INPP5E: variants seen among roughly 807,000 people sequenced by gnomAD.
INPP5E encodes phosphatidylinositol polyphosphate 5-phosphatase type IV.
A neutral mutation model predicts 50.5 loss-of-function variants in INPP5E; 34 were observed. The observed-to-expected ratio is 0.67, with a 90% confidence interval of 0.51 to 0.90. INPP5E has a LOEUF of 0.90. Ranked by LOEUF, INPP5E falls within the 40% of genes least tolerant of loss-of-function variation. The probability of loss-of-function intolerance (pLI) is 0.00; values close to 1 mark genes in which losing one functional copy is unlikely to be tolerated. For synonymous variants in INPP5E, 447 were observed against 406.0 expected, an observed-to-expected ratio of 1.10 and a Z score of -1.21; for missense variants, 942 against 905.5, an observed-to-expected ratio of 1.04 and a Z score of -0.52.
In INPP5E at chr9:136,439,304, G is replaced by A. The variant is rs1200457166; in HGVS notation, c.116C>T (p.Pro39Leu). ...GCTCTCGGAGCCCGGAGCATCGGGTGGGGACCCCGCGCGCTGGGCCGGCGG... is the reference window on the plus strand; with the variant it reads ...GCTCTCGGAGCCCGGAGCATCGGGTAGGGACCCCGCGCGCTGGGCCGGCGG... Reference protein sequence around the residue: ...GAPPAQRAGSPPDAPGSESPA... With the variant: ...GAPPAQRAGSLPDAPGSESPA... The change falls in exon 1 of 10, where the codon CCA becomes CTA. Residue 39 changes from proline to leucine, a missense_variant. By Grantham distance (98) the Pro-to-Leu change is moderately conservative (BLOSUM62 -3). Transcript: ENST00000371712. The A allele has an allele frequency of 5.7e-6, 8 of 1,415,614 alleles. No individual in the cohort carries two copies. In the African/African-American group the frequency reaches 7.5e-5, roughly 13 times the overall value. The allele number at this position is 1,415,614 out of a possible 1,614,324, so 87.7% of individuals were successfully genotyped here.
In INPP5E at chr9:136,430,534, C is replaced by T. The variant is rs1326728193; in HGVS notation, c.1666-121G>A. 1.6e-5 allele frequency: 19 copies of T among 1,193,698 alleles called. No individual in the cohort carries two copies. In the East Asian group the frequency reaches 2.5e-4, roughly 16 times the overall value. The allele number at this position is 1,193,698 out of a possible 1,614,324, so 73.9% of individuals were successfully genotyped here. On this transcript the variant is annotated intron_variant, in intron 8 of 9. Transcript: ENST00000371712. ...CAAGGAAGCCTTCTGGGACCCCTGA[C>T]ACTCATGCCCATTTTGTTGCCTGGC...
In INPP5E at chr9:136,439,232, G is replaced by C. The variant is rs1415787879; in HGVS notation, c.188C>G (p.Pro63Arg). Residue 63 changes from proline (P) to arginine (R), a missense_variant, in exon 1 of 10, where the codon CCG becomes CGG. By Grantham distance (103) the Pro-to-Arg change is moderately radical. Transcript: ENST00000371712. ...GGCGATGGGTGCTGCTCGGGCTGGC[G>C]GGTCCTCGCCGCTGGGCGTGGCCGG... The part of the protein sequence containing the change: ...STPATPSGED[P>R]PARAAPIAPR... 2.0e-6 allele frequency: 3 copies of C among 1,527,784 alleles called. No homozygotes were observed. Among genetic ancestry groups the C allele is most frequent in the African/African-American group, 1.4e-5 (1 of 72,376 alleles). 94.6% of individuals were successfully genotyped at this position (1,527,784 alleles called of 1,614,324 possible). A position where few individuals can be genotyped will look rare whatever the true frequency, so the allele number is the denominator to read the frequency against.
chr9:136,436,959 G>C (rs1835845349), intron 1 of INPP5E: 1 of 152,238 alleles, frequency 6.6e-6, no homozygotes, highest in African/African-American at 2.4e-5. Flanking sequence ...TTTGAGACAC[G>C]ACTGTCCTTT....
chr9:136,437,275 C>T (rs992589012), intron 1 of INPP5E: 10 of 152,398 alleles, frequency 6.6e-5, no homozygotes, highest in Admixed American at 4.6e-4. Context: ...AAGCCATGTC[C>T]ACTCCCAGAG....
chr9:136,429,597 A>C lies in INPP5E; in HGVS notation c.*78T>G. On this transcript the variant is annotated 3_prime_UTR_variant, in exon 10 of 10. Transcript: ENST00000371712. ...TCCCTCGGATCCCCGAAAGGCGGCA[A>C]ACTCTTTGTCCTTCCCAGTGGGTTT... 1 of 1,584,026 alleles carries C rather than the reference A, an allele frequency of 6.3e-7. No individual in the cohort carries two copies. Among genetic ancestry groups the C allele is most frequent in the South Asian group, 1.1e-5 (1 of 90,614 alleles).
Position 136,432,476 on chromosome 9 carries a change from C to T in INPP5E, c.1387+3G>A, listed in dbSNP as rs1407494332. On this transcript the variant is annotated splice_donor_region_variant and intron_variant, in intron 6 of 9. Coordinates refer to ENST00000371712, the MANE Select transcript of INPP5E (RefSeq NM_019892.6). ...CACCCACACGCAGCGTGGACGCCCT[C>T]ACCTGCGCTGGAGCGATAGGGGTTG... The T allele has an allele frequency of 6.5e-7, 1 of 1,543,540 alleles. No individual in the cohort carries two copies.
At position 136,433,087 on chromosome 9, in the gene INPP5E, G is replaced by A; in HGVS notation, c.1160-12C>T. The A allele has an allele frequency of 1.2e-6, 2 of 1,608,302 alleles. No individual in the cohort carries two copies. The highest frequency in any genetic ancestry group is 1.7e-6 in the Non-Finnish European group (2 of 1,179,308). Reference sequence around the variant, plus strand: ...GGAGCACTCCACCTCTGTGGGAGGGGCAGCCCTCAGCTCACCTGTGGGACG... The same window carrying A: ...GGAGCACTCCACCTCTGTGGGAGGGACAGCCCTCAGCTCACCTGTGGGACG... On this transcript the variant is annotated splice_polypyrimidine_tract_variant and intron_variant, in intron 4 of 9. Transcript: ENST00000371712.
rs1281400684 is a variant in INPP5E, at chr9:136,439,671, C to CT, written c.-253dup. The CT allele has an allele frequency of 3.0e-6, 1 of 332,454 alleles. No homozygotes were observed. Among genetic ancestry groups the CT allele is most frequent in the Non-Finnish European group, 5.4e-6 (1 of 184,226 alleles). 20.6% of individuals were successfully genotyped at this position (332,454 alleles called of 1,614,324 possible). ...AGGCAAGGCCTGGGGGAACAGGCGG[C>CT]TGGGCGCCTGTCGCGGGGGAGGTTC... On this transcript the variant is annotated 5_prime_UTR_variant, in exon 1 of 10. Coordinates refer to ENST00000371712, the MANE Select transcript of INPP5E (RefSeq NM_019892.6).
Position 136,438,877 on chromosome 9 carries a change from G to C in INPP5E, c.543C>G (p.Ser181Arg). 2 of 1,585,658 alleles carry C rather than the reference G, an allele frequency of 1.3e-6. No homozygotes were observed. Among genetic ancestry groups the C allele is most frequent in the Non-Finnish European group, 1.7e-6 (2 of 1,165,994 alleles). The change falls in exon 1 of 10, where the codon AGC (serine) becomes AGG (arginine). Residue 181 changes from serine to arginine, a missense_variant. Transcript: ENST00000371712. ...LPHRDAAVAG[S>R]SPRLPSLLPP... Reference sequence around the variant, plus strand: ...GCAGCAGGCTGGGCAGCCTGGGCGAGCTCCCCGCCACGGCGGCGTCTCTGT... The same window carrying C: ...GCAGCAGGCTGGGCAGCCTGGGCGACCTCCCCGCCACGGCGGCGTCTCTGT...
chr9:136,434,629 C>T lies in INPP5E; in HGVS notation c.936+111G>A, dbSNP rs151209314. The T allele has an allele frequency of 6.6e-4, 951 of 1,446,020 alleles. 2 individuals carry two copies. In the African/African-American group the frequency reaches 1.0e-2, roughly 15 times the overall value. 89.6% of individuals were successfully genotyped at this position (1,446,020 alleles called of 1,614,324 possible). ...GTTAGCAGTGGGGTGCACCTCGGGG[C>T]TCTGCCCTCCTGGCCCCAGGATGAG... On this transcript the variant is annotated intron_variant, in intron 2 of 9. Coordinates refer to ENST00000371712, the MANE Select transcript of INPP5E (RefSeq NM_019892.6).
At chr9:136,430,879 G>T in intron 8 of INPP5E, 123 bp downstream of exon 8, 2 of 738,386 alleles carry the variant, frequency 2.7e-6, no homozygotes, top group Non-Finnish European at 2.4e-6. Context: ...AGGCCAAGGT[G>T]CAGAGCTGAG....
intron 8 of INPP5E, 42 bp downstream of exon 8, chr9:136,430,960 G>C: frequency 7.2e-7 from 1 of 1,387,342 alleles, no homozygotes; most frequent in Non-Finnish European, 1.0e-6. Context: ...GGAGATGCCT[G>C]CCCTGGAAGC....
rs1437963595 is a variant in INPP5E, at chr9:136,433,029, CT to C, written c.1205del (p.Lys402ArgfsTer81). The C allele has an allele frequency of 1.2e-6, 2 of 1,613,422 alleles. No homozygotes were observed. The highest frequency in any genetic ancestry group is 2.2e-5 in the South Asian group (2 of 91,080). ...TVTTRIVSQI[K>X]TKGALGISFT... ...AGCTGATGCCCAAGGCCCCCTTGGT[CT>C]TGATCTGAGACACGATGCGTGTGGT... On this transcript the variant is annotated frameshift_variant, in exon 5 of 10. Coordinates refer to ENST00000371712, the MANE Select transcript of INPP5E (RefSeq NM_019892.6). LOFTEE classifies it high-confidence loss of function.
At chr9:136,429,940 C>T in intron 9 of INPP5E, 133 bp from the exon 10 acceptor site, 2 of 746,974 alleles carry the variant, frequency 2.7e-6, no homozygotes, top group Non-Finnish European at 4.6e-6. Context: ...TAGGTGGGCA[C>T]TGGCCCAGAT....
At position 136,438,707 on chromosome 9, in the gene INPP5E, C is replaced by T. The variant is rs760298042; in HGVS notation, c.713G>A (p.Arg238Gln). 1.2e-6 allele frequency: 2 copies of T among 1,604,578 alleles called. No homozygotes were observed. Among genetic ancestry groups the T allele is most frequent in the Admixed American group, 3.4e-5 (2 of 58,854 alleles). The change falls in exon 1 of 10, where the codon CGG becomes CAG. Residue 238 changes from arginine to glutamine, a missense_variant. Transcript: ENST00000371712. The part of the protein sequence containing the change: ...VRAHSSLGPG[R>Q]PRSPLACDDC... ...GTCGCAGGCCAGGGGGCTCCGCGGC[C>T]GGCCGGGGCCCAGGCTGCTGTGGGC...
chr9:136,439,530 G>T lies in INPP5E; in HGVS notation c.-111C>A. 2.6e-6 allele frequency: 2 copies of T among 770,078 alleles called. No individual in the cohort carries two copies. Among genetic ancestry groups the T allele is most frequent in the Non-Finnish European group, 3.6e-6 (2 of 550,098 alleles). The allele number at this position is 770,078 out of a possible 1,614,324, so 47.7% of individuals were successfully genotyped here. On this transcript the variant is annotated 5_prime_UTR_variant, in exon 1 of 10. Transcript: ENST00000371712. Reference sequence around the variant, plus strand: ...AGCGAGGAGCAGAAACGCCGCTGCGGCTCCCGCTTGGGCCGGGGATGGTCG... The same window carrying T: ...AGCGAGGAGCAGAAACGCCGCTGCGTCTCCCGCTTGGGCCGGGGATGGTCG...
chr9:136,429,605 G>A lies in INPP5E; in HGVS notation c.*70C>T. ...ATCCCCGAAAGGCGGCAAACTCTTT[G>A]TCCTTCCCAGTGGGTTTTGATCAAT... On this transcript the variant is annotated 3_prime_UTR_variant, in exon 10 of 10. Transcript: ENST00000371712. The A allele has an allele frequency of 1.0e-5, 16 of 1,591,662 alleles. No homozygotes were observed. The highest frequency in any genetic ancestry group is 1.4e-5 in the Non-Finnish European group (16 of 1,165,756).
chr9:136,431,869 G>A lies in INPP5E; in HGVS notation c.1504C>T (p.Pro502Ser). 6.2e-7 allele frequency: 1 copy of A among 1,609,414 alleles called. No homozygotes were observed. The highest frequency in any genetic ancestry group is 8.5e-7 in the Non-Finnish European group (1 of 1,179,166). Residue 502 changes from proline (P) to serine (S), a missense_variant, in exon 7 of 10, where the codon CCG becomes TCG. Coordinates refer to ENST00000371712, the MANE Select transcript of INPP5E (RefSeq NM_019892.6). ...AGCTGGTCGTGCTGCAGCAGCGCCG[G>A]CACGTCCACCACCAGGCCCTGGCAC... The part of the protein sequence containing the change: ...LLCQGLVVDV[P>S]ALLQHDQLIR...
At chr9:136,432,457 C>T (rs1344155612) in intron 6 of INPP5E, 22 bp downstream of exon 6, 3 of 1,486,018 alleles carry the variant, frequency 2.0e-6, no homozygotes, top group Admixed American at 2.0e-5. Flanking sequence ...GCACCACCCA[C>T]ACGCAGCGTG....
Sources: gnomAD v4.1 joint callset for allele counts on GRCh38, gnomAD v4.1.1 for gene constraint, MANE v1.5 for transcripts, NCBI Gene and HGNC (gene_info 2026-07-23, HGNC 2026-07-21) for gene names.